The following HCRTR2 variants were observed in gnomAD, a reference collection of about 807,000 sequenced individuals.
HCRTR2 encodes the protein orexin receptor type 2.
HCRTR2 carries 22 observed loss-of-function variants against 49.0 expected under a neutral mutation model. That is an observed-to-expected ratio of 0.45 (90% CI 0.32 to 0.64). The LOEUF is 0.64. Among genes scored for constraint, HCRTR2 ranks in the 30% least tolerant of loss-of-function variants. The probability of loss-of-function intolerance (pLI) is 0.04; values close to 1 mark genes in which losing one functional copy is unlikely to be tolerated. For missense variants in HCRTR2, 491 were observed against 559.4 expected (o/e 0.88, Z 1.23); for synonymous variants, 236 against 205.3 (o/e 1.15, Z -1.28).
In HCRTR2 at chr6:55,277,563, T is replaced by C; in HGVS notation, c.946T>C (p.Cys316Arg). 6.2e-7 allele frequency: 1 copy of C among 1,614,030 alleles called. No individual in the cohort carries two copies. Among genetic ancestry groups the C allele is most frequent in the Non-Finnish European group, 8.5e-7 (1 of 1,179,924 alleles). Residue 316 changes from cysteine (C) to arginine (R), a missense_variant, in exon 5 of 7, where the codon TGC becomes CGC. Cys to Arg is a radical substitution (Grantham distance 180, BLOSUM62 -3). Transcript: ENST00000370862. ...GATTGTGCTTTTGGTATTTGCAATT[T>C]GCTATCTACCAATTAGCATCCTCAA... Reference protein sequence around the residue: ...LMIVLLVFAICYLPISILNVL... With the variant: ...LMIVLLVFAIRYLPISILNVL...
chr6:55,109,730 A>G (rs904978716), intron 1 of HCRTR2, among the ~76,000 whole-genome samples: 6 of 152,186 alleles, frequency 3.9e-5, no homozygotes, highest in African/African-American at 1.4e-4. Flanking sequence ...TATGTTAAGC[A>G]GCCAAACCTA....
intron 1 of HCRTR2, among the ~76,000 whole-genome samples, chr6:55,246,756 CAG>C (rs1409201780): frequency 6.6e-6 from 1 of 152,020 alleles, no homozygotes; most frequent in African/African-American, 2.4e-5. Context: ...ACCTGTTAAA[CAG>C]AGATATTAAT....
At chr6:55,173,718 C>G (rs534983033), upstream of HCRTR2, among the ~76,000 whole-genome samples, 15 of 152,282 alleles carry the variant, frequency 9.9e-5, no homozygotes, top group Middle Eastern at 6.8e-3. Context: ...TGACACTTGG[C>G]GTCCTTCAAG....
intron 1 of HCRTR2, among the ~76,000 whole-genome samples, chr6:55,128,399 A>G (rs1349402959): frequency 6.6e-6 from 1 of 152,100 alleles, no homozygotes; most frequent in African/African-American, 2.4e-5. Flanking sequence ...TGCCTTGGGT[A>G]TTCACGCTCT....
At chr6:55,187,682 CTTTTTTTT>C (rs5876430) in intron 1 of HCRTR2, among the ~76,000 whole-genome samples, 1 of 102,244 alleles carries the variant, frequency 9.8e-6, no homozygotes, top group Non-Finnish European at 1.8e-5. Context: ...ATTATTTGAT[CTTTTTTTT>C]TTTTTTTTTT....
chr6:55,159,698 T>G (rs1764779056), intron 1 of HCRTR2, among the ~76,000 whole-genome samples: 1 of 152,096 alleles, frequency 6.6e-6, no homozygotes, highest in South Asian at 2.1e-4. Context: ...CATACACAGG[T>G]ATCAATATCC....
chr6:55,228,214 CA>C (rs1766047950), intron 1 of HCRTR2, among the ~76,000 whole-genome samples: 1 of 145,082 alleles, frequency 6.9e-6, no homozygotes, highest in Non-Finnish European at 1.6e-5. Flanking sequence ...TGGGGATAGA[CA>C]AAAGTTTTGA....
intron 1 of HCRTR2, among the ~76,000 whole-genome samples, chr6:55,206,832 T>C (rs989304195): frequency 1.3e-5 from 2 of 152,178 alleles, no homozygotes; most frequent in Middle Eastern, 3.4e-3. Flanking sequence ...GCAAAATAAT[T>C]GCATAATTAT....
At chr6:55,250,271 A>C in intron 2 of HCRTR2, among the ~76,000 whole-genome samples, 1 of 152,148 alleles carries the variant, frequency 6.6e-6, no homozygotes, top group Non-Finnish European at 1.5e-5. Flanking sequence ...ACATGGGACA[A>C]TAGAGAAAAA....
intron 1 of HCRTR2, among the ~76,000 whole-genome samples, chr6:55,144,099 C>CTTTTTTTTTTTTTTTTTT (rs530138605): frequency 1.2e-5 from 1 of 85,360 alleles, no homozygotes; most frequent in Non-Finnish European, 2.1e-5. Context: ...CCCGTCCTGC[C>CTTTTTTTTTTTTTTTTTT]TTTTTTTTTT....
At chr6:55,110,569 A>G (rs1311687971) in intron 1 of HCRTR2, among the ~76,000 whole-genome samples, 2 of 152,070 alleles carry the variant, frequency 1.3e-5, no homozygotes, top group Admixed American at 6.6e-5. Flanking sequence ...AGCAAGTAGG[A>G]GTAGCTATTC....
Position 55,114,398 on chromosome 6 carries a change from C to A in HCRTR2, c.-378+7853C>A, listed in dbSNP as rs1033477026. Among the ~76,000 whole-genome samples the A allele has an allele frequency of 2.6e-5, 4 of 151,718 alleles. No homozygotes were observed. In the East Asian group the frequency reaches 7.7e-4, roughly 29 times the overall value. On this transcript the variant is annotated intron_variant, in intron 1 of 7. Coordinates refer to the HCRTR2 transcript ENST00000615358. ...CTTGGAAACTTCAATCCCTTTTCTC[C>A]CCTGATTAGTTAGCGTTCATCCTGC...
intron 3 of HCRTR2, among the ~76,000 whole-genome samples, chr6:55,262,240 G>A (rs142464037): frequency 0.026 from 3,813 of 149,374 alleles, 68 homozygotes; most frequent in Middle Eastern, 0.062. Context: ...AACACCAACT[G>A]TTTCCCCAAA....
intron 1 of HCRTR2, among the ~76,000 whole-genome samples, chr6:55,211,770 T>C (rs1765699814): frequency 6.6e-6 from 1 of 152,146 alleles, no homozygotes; most frequent in Admixed American, 6.6e-5. Flanking sequence ...TAATTCTCCT[T>C]CAGGCCTCAA....
intron 1 of HCRTR2, among the ~76,000 whole-genome samples, chr6:55,230,656 C>G (rs1000885377): frequency 6.6e-6 from 1 of 152,106 alleles, no homozygotes; most frequent in African/African-American, 2.4e-5. Flanking sequence ...AACCACAGTA[C>G]ACAGTTTTGT....
chr6:55,258,138 T>C (rs1447920921), intron 3 of HCRTR2, among the ~76,000 whole-genome samples: 1 of 152,110 alleles, frequency 6.6e-6, no homozygotes, highest in Non-Finnish European at 1.5e-5. Context: ...TATTTTACAG[T>C]GTCATCTCTC....
chr6:55,279,312 CA>C (rs200263981), intron 5 of HCRTR2, among the ~76,000 whole-genome samples: 1,750 of 152,082 alleles, frequency 0.012, 31 homozygotes, highest in African/African-American at 0.04. Flanking sequence ...CCGAATTAGT[CA>C]AAAGCAATTT....
chr6:55,138,415 G>A (rs113827786), intron 1 of HCRTR2, among the ~76,000 whole-genome samples: 4 of 152,220 alleles, frequency 2.6e-5, no homozygotes, highest in African/African-American at 9.6e-5. Flanking sequence ...GAATAACTTG[G>A]TCAAATAAAT....
upstream of HCRTR2, among the ~76,000 whole-genome samples, chr6:55,171,877 C>T (rs1042059188): frequency 6.6e-6 from 1 of 152,150 alleles, no homozygotes; most frequent in African/African-American, 2.4e-5. Context: ...TAGGAAATAG[C>T]AGACTGGGTC....
Sources: gnomAD v4.1 joint callset for allele counts (sites outside exome capture counted in the v4.1 genomes callset) on GRCh38, gnomAD v4.1.1 for gene constraint, MANE v1.5 for transcripts, NCBI Gene and HGNC (gene_info 2026-07-23, HGNC 2026-07-21) for gene names.